APBB2: variants seen among roughly 807,000 people sequenced by gnomAD.
The protein encoded by APBB2 is Fe65-like 1.
Under a neutral mutation model 82.5 loss-of-function variants are expected in APBB2, and 38 were observed. The observed-to-expected ratio is 0.46, with a 90% CI of 0.36 to 0.60. APBB2 has a LOEUF of 0.60. APBB2 is among the 20% of genes least tolerant of loss of function. The pLI is 0.00. For synonymous variants in APBB2, 341 were observed against 368.2 expected (o/e 0.93, Z 0.85); for missense variants, 772 against 972.3 (o/e 0.79, Z 2.74).
chr4:41,049,645 C>G (rs1725197317), intron 4 of APBB2, among the ~76,000 whole-genome samples: 1 of 152,138 alleles, frequency 6.6e-6, no homozygotes, highest in African/African-American at 2.4e-5. Context: ...CCCAACAGCT[C>G]ATTGAGAACG....
chr4:40,966,373 G>A (rs773529664), intron 6 of APBB2, among the ~76,000 whole-genome samples: 1 of 152,234 alleles, frequency 6.6e-6, no homozygotes, highest in Non-Finnish European at 1.5e-5. Flanking sequence ...GGCTGCAGTG[G>A]AGGAGGCATG....
chr4:41,122,327 T>C (rs1351441880), intron 2 of APBB2, among the ~76,000 whole-genome samples: 16 of 152,194 alleles, frequency 1.1e-4, no homozygotes. Context: ...TCCTCCACAA[T>C]AGAAGCTGAC....
At chr4:40,930,737 T>C in intron 10 of APBB2, among the ~76,000 whole-genome samples, 1 of 152,288 alleles carries the variant, frequency 6.6e-6, no homozygotes, top group East Asian at 1.9e-4. Context: ...GTATATCAAA[T>C]ATTATTTTTA....
chr4:41,171,292 G>A (rs1768168352), intron 1 of APBB2, among the ~76,000 whole-genome samples: 1 of 152,214 alleles, frequency 6.6e-6, no homozygotes, highest in African/African-American at 2.4e-5. Flanking sequence ...GGACTATAGT[G>A]ATACAGAGCT....
At position 40,810,795 on chromosome 4, in the gene APBB2, T is replaced by G. The variant is rs1432712308; in HGVS notation, c.*5297A>C. On this transcript the variant is annotated 3_prime_UTR_variant, in exon 18 of 18. Transcript: ENST00000508593. Reference sequence around the variant, plus strand: ...TTATAGCGTGTGGCTCATCCTCTTATCCCACCCAGATTTCTATCTGGTTGG... The same window carrying G: ...TTATAGCGTGTGGCTCATCCTCTTAGCCCACCCAGATTTCTATCTGGTTGG... 1 of 152,192 alleles carries G rather than the reference T, an allele frequency of 6.6e-6. No individual in the cohort carries two copies. The highest frequency in any genetic ancestry group is 2.4e-5 in the African/African-American group (1 of 41,446). The allele number at this position is 152,192 out of a possible 1,614,324, so 9.4% of individuals were successfully genotyped here. A position where few individuals can be genotyped will look rare whatever the true frequency, so the allele number is the denominator to read the frequency against.
chr4:40,880,513 T>C (rs1287167636), intron 12 of APBB2: 11 of 985,352 alleles, frequency 1.1e-5, no homozygotes, highest in African/African-American at 3.5e-5. Flanking sequence ...TGGGTTATCA[T>C]GGTTATGACT....
intron 1 of APBB2, among the ~76,000 whole-genome samples, chr4:41,167,979 A>T (rs1767129083): frequency 6.6e-6 from 1 of 152,260 alleles, no homozygotes. Context: ...AGAAATATTG[A>T]CAGCAATTTG....
chr4:41,190,539 C>T (rs1269951842), intron 1 of APBB2, among the ~76,000 whole-genome samples: 4 of 151,944 alleles, frequency 2.6e-5, no homozygotes, highest in Non-Finnish European at 5.9e-5. Context: ...TGTGAGGCAC[C>T]GCACCCAGCT....
chr4:41,066,692 G>C (rs148624747), intron 3 of APBB2, among the ~76,000 whole-genome samples: 1 of 152,220 alleles, frequency 6.6e-6, no homozygotes, highest in African/African-American at 2.4e-5. Flanking sequence ...GTAAGAAACC[G>C]CATGGTATAG....
chr4:40,903,259 A>G (rs150755928), intron 10 of APBB2, among the ~76,000 whole-genome samples: 16,507 of 151,842 alleles, frequency 0.11, 1,277 homozygotes, highest in African/African-American at 0.21. Context: ...TCAGAAGTTC[A>G]AGACCAGCCT....
At chr4:40,884,665 A>C (rs1309330406) in intron 12 of APBB2, among the ~76,000 whole-genome samples, 2 of 151,808 alleles carry the variant, frequency 1.3e-5, no homozygotes, top group Admixed American at 6.6e-5. Context: ...CAGGATGCTG[A>C]GGCAGGAGGA....
Position 41,089,539 on chromosome 4 carries a change from T to G in APBB2, c.-149+11100A>C, listed in dbSNP as rs7661939. ...TCCTGAGCCTGGGAGAACACCAACC[T>G]TTGTGTTATACACTTCATGTTTATC... On this transcript the variant is annotated intron_variant, in intron 3 of 17. Coordinates refer to ENST00000508593, the MANE Select transcript of APBB2 (RefSeq NM_004307.2). Among the ~76,000 whole-genome samples the G allele has an allele frequency of 4.2e-3, 633 of 152,280 alleles. 5 individuals carry two copies. The highest frequency in any genetic ancestry group is 0.014 in the African/African-American group (596 of 41,548).
chr4:41,176,945 T>C (rs1218742758), intron 1 of APBB2, among the ~76,000 whole-genome samples: 1 of 151,460 alleles, frequency 6.6e-6, no homozygotes, highest in African/African-American at 2.4e-5. Context: ...AAAATTTCAC[T>C]GTCAAATATA....
chr4:40,980,099 T>C (rs1332555622), intron 6 of APBB2, among the ~76,000 whole-genome samples: 1 of 152,204 alleles, frequency 6.6e-6, no homozygotes, highest in Non-Finnish European at 1.5e-5. Context: ...CTCGGCTCAC[T>C]GCAACCTCCG....
chr4:41,031,454 T>C (rs1285627184), intron 5 of APBB2, among the ~76,000 whole-genome samples: 8 of 152,188 alleles, frequency 5.3e-5, no homozygotes, highest in Admixed American at 3.9e-4. Flanking sequence ...CCCTGTAGAA[T>C]GTGTTATATG....
At chr4:41,130,613 C>T (rs1755696392) in intron 2 of APBB2, among the ~76,000 whole-genome samples, 1 of 152,118 alleles carries the variant, frequency 6.6e-6, no homozygotes, top group Non-Finnish European at 1.5e-5. Flanking sequence ...TGGCCCCCTC[C>T]TTTCCTTTCT....
chr4:40,822,131 C>T (rs1748200742), intron 16 of APBB2, 81 bp from the exon 17 acceptor site: 1 of 1,521,820 alleles, frequency 6.6e-7, no homozygotes, highest in Non-Finnish European at 9.0e-7. Context: ...AACTGGCATT[C>T]AGAAAGTATA....
intron 1 of APBB2, among the ~76,000 whole-genome samples, chr4:41,194,510 C>T: frequency 6.6e-6 from 1 of 152,152 alleles, no homozygotes; most frequent in South Asian, 2.1e-4. Flanking sequence ...TGGCAAAACC[C>T]TGTCTCTACC....
intron 12 of APBB2, among the ~76,000 whole-genome samples, chr4:40,867,214 T>C (rs1000680981): frequency 6.6e-6 from 1 of 152,206 alleles, no homozygotes; most frequent in Non-Finnish European, 1.5e-5. Flanking sequence ...ACAAAGCCTA[T>C]TTACTGTCTG....
Sources: gnomAD v4.1 joint callset for allele counts (sites outside exome capture counted in the v4.1 genomes callset) on GRCh38, gnomAD v4.1.1 for gene constraint, MANE v1.5 for transcripts, NCBI Gene and HGNC (gene_info 2026-07-23, HGNC 2026-07-21) for gene names.